GRID2: variants seen among roughly 807,000 people sequenced by gnomAD.
The protein encoded by GRID2 is glutamate ionotropic receptor delta type subunit 2, also known as glutamate receptor ionotropic, delta-2.
Under a neutral mutation model 114.8 loss-of-function variants are expected in GRID2, and 33 were observed. That is an observed-to-expected ratio of 0.29 (90% CI 0.22 to 0.38). The LOEUF (loss-of-function observed/expected upper bound fraction) is 0.38, where lower values mean the gene tolerates loss of function less well. Among genes scored for constraint, GRID2 ranks in the 10% least tolerant of loss-of-function variants. The pLI is 1.00. For missense variants in GRID2, 1,184 were observed against 1,257.7 expected, an observed-to-expected ratio of 0.94 and a Z score of 0.89; for synonymous variants, 505 against 449.9, an observed-to-expected ratio of 1.12 and a Z score of -1.55.
chr4:92,710,965 G>C (rs898283135), intron 2 of GRID2, among the ~76,000 whole-genome samples: 1 of 151,112 alleles, frequency 6.6e-6, no homozygotes, highest in African/African-American at 2.4e-5. Context: ...TAAGGATAAA[G>C]AATAAACCTT....
At position 93,065,574 on chromosome 4, in the gene GRID2, T is replaced by C. The variant is rs376072607; in HGVS notation, c.245-19421T>C. On this transcript the variant is annotated intron_variant, in intron 2 of 15. Transcript: ENST00000282020. Reference sequence around the variant, plus strand: ...CTGAAAATGCTACTAAAAGAAGATATGCAAGAGATGTGAGATAGGAACATT... The same window carrying C: ...CTGAAAATGCTACTAAAAGAAGATACGCAAGAGATGTGAGATAGGAACATT... 4.2e-4 allele frequency among the ~76,000 whole-genome samples: 64 copies of C among 152,006 alleles called. 3 individuals carry two copies. In the South Asian group the frequency reaches 0.013, roughly 31 times the overall value.
chr4:92,599,229 G>A (rs1343357537), intron 2 of GRID2, among the ~76,000 whole-genome samples: 1 of 151,990 alleles, frequency 6.6e-6, no homozygotes, highest in African/African-American at 2.4e-5. Flanking sequence ...GAAAGGCCAT[G>A]GAGGCCAAAT....
At chr4:92,398,198 G>T (rs1241329021) in intron 1 of GRID2, among the ~76,000 whole-genome samples, 1 of 151,994 alleles carries the variant, frequency 6.6e-6, no homozygotes, top group Non-Finnish European at 1.5e-5. Flanking sequence ...TATATATAAA[G>T]ATATGAAAGT....
chr4:93,796,080 C>G (rs1185605176), intron 1 of GRID2, among the ~76,000 whole-genome samples: 1 of 152,134 alleles, frequency 6.6e-6, no homozygotes, highest in Non-Finnish European at 1.5e-5. Flanking sequence ...GCCCACTCAG[C>G]TCTTAAGGTT....
chr4:93,566,995 GAGCAGC>G (rs554419301), intron 13 of GRID2, among the ~76,000 whole-genome samples: 2 of 152,062 alleles, frequency 1.3e-5, no homozygotes, highest in African/African-American at 4.8e-5. Context: ...GTGGTCAGCA[GAGCAGC>G]AGCAGCAGCA....
intron 4 of GRID2, among the ~76,000 whole-genome samples, chr4:93,193,689 C>T (rs867579514): frequency 1.3e-5 from 2 of 152,118 alleles, no homozygotes; most frequent in Non-Finnish European, 2.9e-5. Flanking sequence ...TGTATTCTGA[C>T]ATGAGTAAAC....
In GRID2 at chr4:93,216,820, CCCA is replaced by C; in HGVS notation, c.873_875del (p.Gln292del). 1 of 1,612,772 alleles carries C rather than the reference CCCA, an allele frequency of 6.2e-7. No homozygotes were observed. Among genetic ancestry groups the C allele is most frequent in the Non-Finnish European group, 8.5e-7 (1 of 1,178,896 alleles). The stretch of plus-strand genomic sequence containing the variant: ...ATTATTCGGCAGACATTTCCAGTTC[CCCA>C]GAACATAAGTCAGCGGTGTTTCCGT... On this transcript the variant is annotated inframe_deletion, in exon 6 of 16. Coordinates refer to ENST00000282020, the MANE Select transcript of GRID2 (RefSeq NM_001510.4).
At chr4:93,263,020 C>T (rs993751766) in intron 8 of GRID2, among the ~76,000 whole-genome samples, 1 of 151,778 alleles carries the variant, frequency 6.6e-6, no homozygotes, top group Non-Finnish European at 1.5e-5. Context: ...CTTTTGATAA[C>T]TATAGGAAAA....
chr4:93,192,894 G>A (rs1286464504), intron 4 of GRID2, among the ~76,000 whole-genome samples: 1 of 152,036 alleles, frequency 6.6e-6, no homozygotes, highest in Non-Finnish European at 1.5e-5. Context: ...TATCTCATGA[G>A]ATAATTATTT....
chr4:92,621,223 T>C (rs2149238510), intron 2 of GRID2, among the ~76,000 whole-genome samples: 1 of 151,856 alleles, frequency 6.6e-6, no homozygotes, highest in East Asian at 2.0e-4. Context: ...TTTTAACCCC[T>C]GTCTGAATAT....
At chr4:92,412,117 CTGTG>C (rs60674952) in intron 1 of GRID2, among the ~76,000 whole-genome samples, 9 of 143,510 alleles carry the variant, frequency 6.3e-5, no homozygotes, top group African/African-American at 1.0e-4. Context: ...TTTTTTGTGC[CTGTG>C]TGTGTGTGTG....
chr4:93,683,079 A>G (rs536667801), intron 14 of GRID2, among the ~76,000 whole-genome samples: 7 of 152,114 alleles, frequency 4.6e-5, no homozygotes, highest in Admixed American at 4.6e-4. Flanking sequence ...TTTTAAGGTC[A>G]TACATTTCTA....
At chr4:92,714,021 C>A (rs753710386) in intron 2 of GRID2, among the ~76,000 whole-genome samples, 12 of 152,238 alleles carry the variant, frequency 7.9e-5, no homozygotes, top group Non-Finnish European at 1.5e-4. Flanking sequence ...CTCAAAAGTC[C>A]ACAGTCCAAC....
rs771961200 is a variant in GRID2, at chr4:93,769,321, C to T, written c.2472C>T (p.Gly824=). The change falls in exon 15 of 16, where the codon GGC becomes GGT. Residue 824 remains glycine (G), a synonymous_variant. Coordinates refer to ENST00000282020, the MANE Select transcript of GRID2 (RefSeq NM_001510.4). ...CAGTGGACACAAAGCAGAAAGGAGG[C>T]GCCCTGGACATAAAGAGCTTTGCAG... ...YSSVDTKQKG[G]ALDIKSFAGV... 9.3e-6 allele frequency: 15 copies of T among 1,613,936 alleles called. No homozygotes were observed. Among genetic ancestry groups the T allele is most frequent in the East Asian group, 2.2e-5 (1 of 44,880 alleles).
intron 8 of GRID2, among the ~76,000 whole-genome samples, chr4:93,342,496 C>T (rs573183889): frequency 5.3e-5 from 8 of 152,216 alleles, no homozygotes; most frequent in African/African-American, 1.9e-4. Flanking sequence ...CTTAATCATA[C>T]TCTTCACAAT....
chr4:92,523,581 T>C (rs1724891671), intron 1 of GRID2, among the ~76,000 whole-genome samples: 1 of 151,920 alleles, frequency 6.6e-6, no homozygotes, highest in African/African-American at 2.4e-5. Flanking sequence ...AAGTCATGAG[T>C]CACTGGTAAA....
chr4:92,617,193 T>C (rs562259077), intron 2 of GRID2, among the ~76,000 whole-genome samples: 1 of 151,398 alleles, frequency 6.6e-6, no homozygotes, highest in Non-Finnish European at 1.5e-5. Flanking sequence ...GTACCCTTAC[T>C]ACCCTCTAGT....
intron 1 of GRID2, among the ~76,000 whole-genome samples, chr4:92,450,704 C>G (rs772130519): frequency 1.3e-5 from 2 of 151,496 alleles, no homozygotes; most frequent in Non-Finnish European, 2.9e-5. Context: ...CTTAATGGTA[C>G]TTTTCTGAAT....
chr4:92,447,737 A>G (rs931835782), intron 1 of GRID2, among the ~76,000 whole-genome samples: 4 of 152,200 alleles, frequency 2.6e-5, no homozygotes, highest in Non-Finnish European at 5.9e-5. Flanking sequence ...AGTACCTTCT[A>G]GCTGTGTCTG....
Sources: gnomAD v4.1 joint callset for allele counts (sites outside exome capture counted in the v4.1 genomes callset) on GRCh38, gnomAD v4.1.1 for gene constraint, MANE v1.5 for transcripts, NCBI Gene and HGNC (gene_info 2026-07-23, HGNC 2026-07-21) for gene names.